Variants in ADRA1B observed in about 807,000 individuals in gnomAD.
ADRA1B encodes adrenoceptor alpha 1B.
A neutral mutation model predicts 17.9 loss-of-function variants in ADRA1B; 17 were observed. That is an observed-to-expected ratio of 0.95 (90% CI 0.65 to 1.42). The LOEUF is 1.42. Ranked by LOEUF, ADRA1B falls within the 40% of genes most tolerant of loss-of-function variation. The pLI is 0.00. For synonymous variants in ADRA1B, 366 were observed against 327.6 expected (o/e 1.12, Z -1.27); for missense variants, 681 against 722.1 (o/e 0.94, Z 0.65).
In ADRA1B at chr5:159,972,174, C is replaced by T; in HGVS notation, c.1245C>T (p.Ser415=). 3 of 1,360,170 alleles carry T rather than the reference C, an allele frequency of 2.2e-6. No homozygotes were observed. The highest frequency in any genetic ancestry group is 1.9e-6 in the Non-Finnish European group (2 of 1,049,524). 84.3% of individuals were successfully genotyped at this position (1,360,170 alleles called of 1,614,324 possible). ...TGGACGACAGCGGCAGCTGCCTGAGCGGCAGCCAGCGGACCCTGCCCTCGG... is the reference window on the plus strand; with the variant it reads ...TGGACGACAGCGGCAGCTGCCTGAGTGGCAGCCAGCGGACCCTGCCCTCGG... ...DSLDDSGSCL[S]GSQRTLPSAS... The change falls in exon 2 of 2, where the codon AGC becomes AGT. Residue 415 remains serine, a synonymous_variant. Coordinates refer to ENST00000306675, the MANE Select transcript of ADRA1B (RefSeq NM_000679.4).
At chr5:159,865,162 T>A (rs1753637870) in exon 1 of ADRA1B, 2 of 152,110 alleles carry the variant, frequency 1.3e-5, no homozygotes, top group African/African-American at 2.4e-5. Flanking sequence ...ATCTGAGGGA[T>A]CCTCACAGAA....
chr5:159,913,612 A>C (rs896000130), upstream of ADRA1B, among the ~76,000 whole-genome samples: 13 of 152,068 alleles, frequency 8.5e-5, no homozygotes, highest in African/African-American at 3.1e-4. Context: ...GTAACAAACT[A>C]TTTTCTTTCA....
chr5:159,867,987 G>C (rs1379858227), intron 1 of ADRA1B: 4 of 152,114 alleles, frequency 2.6e-5, no homozygotes, highest in African/African-American at 9.7e-5. Context: ...TAAAATTCTA[G>C]GGACTGAGAG....
intron 1 of ADRA1B, among the ~76,000 whole-genome samples, chr5:159,944,766 A>T (rs1755223344): frequency 6.6e-6 from 1 of 152,212 alleles, no homozygotes; most frequent in Non-Finnish European, 1.5e-5. Flanking sequence ...ATGGAAATTG[A>T]AATTCAGACA....
chr5:159,971,400 C>T (rs546790380), intron 1 of ADRA1B, among the ~76,000 whole-genome samples: 1 of 152,118 alleles, frequency 6.6e-6, no homozygotes. Flanking sequence ...TCTCTTTTAC[C>T]TTTAAAACGT....
At chr5:159,942,185 G>C (rs1359583889) in intron 1 of ADRA1B, among the ~76,000 whole-genome samples, 1 of 152,304 alleles carries the variant, frequency 6.6e-6, no homozygotes, top group East Asian at 1.9e-4. Flanking sequence ...GCCTCCCAAA[G>C]TGCTGGGATT....
At chr5:159,884,896 C>T (rs1490033013) in intron 1 of ADRA1B, among the ~76,000 whole-genome samples, 1 of 152,220 alleles carries the variant, frequency 6.6e-6, no homozygotes, top group African/African-American at 2.4e-5. Context: ...CTGTCTCCTC[C>T]GCTCAGTTAC....
At chr5:159,951,085 C>G in intron 1 of ADRA1B, 1 of 732,652 alleles carries the variant, frequency 1.4e-6, no homozygotes, top group Non-Finnish European at 2.5e-6. Context: ...TGTTGTCATA[C>G]TTCTTGTGGT....
At chr5:159,910,106 T>A (rs112969532) in intron 1 of ADRA1B, among the ~76,000 whole-genome samples, 26 of 151,610 alleles carry the variant, frequency 1.7e-4, no homozygotes, top group African/African-American at 6.3e-4. Context: ...TACAAACAGG[T>A]TTAAATTATA....
chr5:159,919,943 G>C (rs1006689787), intron 1 of ADRA1B, among the ~76,000 whole-genome samples: 1 of 152,354 alleles, frequency 6.6e-6, no homozygotes, highest in East Asian at 1.9e-4. Flanking sequence ...TGTGGCTCTA[G>C]GCTTGCTGCT....
chr5:159,876,489 C>A (rs1341407338), intron 1 of ADRA1B, among the ~76,000 whole-genome samples: 1 of 152,182 alleles, frequency 6.6e-6, no homozygotes. Context: ...CAGAACTAAA[C>A]CACATGACCA....
chr5:159,987,776 G>A, the ADRA1B span, among the ~76,000 whole-genome samples: 2 of 152,158 alleles, frequency 1.3e-5, no homozygotes, highest in Non-Finnish European at 2.9e-5. Flanking sequence ...TGGAAAAGGG[G>A]TGCACACTTT....
At chr5:159,963,288 G>GTATATATATATACATATA (rs1755711081) in intron 1 of ADRA1B, among the ~76,000 whole-genome samples, 1 of 132,702 alleles carries the variant, frequency 7.5e-6, no homozygotes, top group African/African-American at 2.9e-5. Context: ...AACAAAAAAA[G>GTATATATATATACATATA]TATATATATA....
the ADRA1B span, among the ~76,000 whole-genome samples, chr5:159,981,460 A>C: frequency 1.2e-4 from 18 of 152,242 alleles, no homozygotes; most frequent in African/African-American, 4.3e-4. Context: ...AATGTACTCT[A>C]ATAGTTCCCA....
the ADRA1B span, among the ~76,000 whole-genome samples, chr5:159,979,162 C>CTCA: frequency 6.6e-6 from 1 of 151,098 alleles, no homozygotes; most frequent in Non-Finnish European, 1.5e-5. Context: ...CCTATCTCTA[C>CTCA]AAAAAAAAAT....
chr5:159,907,934 TTCTC>T (rs60469922), intron 1 of ADRA1B, among the ~76,000 whole-genome samples: 43 of 149,034 alleles, frequency 2.9e-4, no homozygotes, highest in South Asian at 8.5e-4. Flanking sequence ...TAGCTGTTTG[TTCTC>T]TCTCTCTCTC....
At chr5:159,896,887 A>G (rs1754046147) in intron 1 of ADRA1B, among the ~76,000 whole-genome samples, 1 of 152,228 alleles carries the variant, frequency 6.6e-6, no homozygotes, top group Admixed American at 6.5e-5. Flanking sequence ...ACCTAACTCT[A>G]TGCTCAGCAC....
chr5:159,921,070 C>A (rs1432675360), intron 1 of ADRA1B, among the ~76,000 whole-genome samples: 4 of 152,234 alleles, frequency 2.6e-5, no homozygotes, highest in Admixed American at 6.5e-5. Context: ...GTGCCCCCTA[C>A]AGGATCCTGT....
intron 1 of ADRA1B, among the ~76,000 whole-genome samples, chr5:159,960,407 G>A (rs1755645459): frequency 6.6e-6 from 1 of 152,186 alleles, no homozygotes; most frequent in Non-Finnish European, 1.5e-5. Flanking sequence ...GGGGCCAAGG[G>A]GGTCAACCCC....
Sources: allele counts gnomAD v4.1 joint callset (sites outside exome capture counted in the v4.1 genomes callset), GRCh38; gene constraint gnomAD v4.1.1; transcripts MANE v1.5; gene names NCBI Gene and HGNC (gene_info 2026-07-23, HGNC 2026-07-21).